The following ERC1 variants were observed in gnomAD, a reference collection of about 807,000 sequenced individuals.
ERC1 encodes ELKS/RAB6-interacting/CAST family member 1.
Under a neutral mutation model 132.0 loss-of-function variants are expected in ERC1, and 56 were observed. That is an observed-to-expected ratio of 0.42 (90% confidence interval 0.34 to 0.53). The LOEUF is 0.53. Among genes scored for constraint, ERC1 ranks in the 20% least tolerant of loss-of-function variants. The pLI is 0.03. For synonymous variants in ERC1, 478 were observed against 476.1 expected, an observed-to-expected ratio of 1.00 and a Z score of -0.05; for missense variants, 1,202 against 1,349.9, an observed-to-expected ratio of 0.89 and a Z score of 1.72.
At chr12:1,199,061 C>A (rs112951647) in intron 12 of ERC1, among the ~76,000 whole-genome samples, 1 of 97,090 alleles carries the variant, frequency 1.0e-5, no homozygotes, top group Non-Finnish European at 2.5e-5. Flanking sequence ...GACAAACCAC[C>A]GTCATGACCC....
chr12:1,169,399 C>G (rs1288659389), intron 8 of ERC1, among the ~76,000 whole-genome samples: 2 of 152,214 alleles, frequency 1.3e-5, no homozygotes, highest in Non-Finnish European at 2.9e-5. Context: ...TGAATTCCTT[C>G]CCCCTACTTG....
At chr12:1,046,874 G>A (rs979803497) in intron 2 of ERC1, among the ~76,000 whole-genome samples, 1 of 152,158 alleles carries the variant, frequency 6.6e-6, no homozygotes, top group Non-Finnish European at 1.5e-5. Context: ...ACTGCACTTG[G>A]CTAGCAGAGA....
At chr12:1,480,801 A>T (rs1293201674) in intron 18 of ERC1, 2 of 702,326 alleles carry the variant, frequency 2.8e-6, no homozygotes, top group Non-Finnish European at 5.2e-6. Context: ...TTTTAGGGGA[A>T]GTTTCAGACA....
intron 15 of ERC1, among the ~76,000 whole-genome samples, chr12:1,325,597 C>T (rs1272886535): frequency 2.0e-5 from 3 of 152,092 alleles, no homozygotes; most frequent in Non-Finnish European, 4.4e-5. Flanking sequence ...TCAATAAAGA[C>T]AATTTTATAT....
intron 2 of ERC1, among the ~76,000 whole-genome samples, chr12:1,033,756 A>C (rs1472673644): frequency 1.3e-5 from 2 of 152,048 alleles, no homozygotes; most frequent in South Asian, 4.2e-4. Flanking sequence ...CAGCCTCCCA[A>C]GTAGCTGGGA....
chr12:1,026,241 C>T (rs1163966273), intron 1 of ERC1, among the ~76,000 whole-genome samples: 1 of 152,126 alleles, frequency 6.6e-6, no homozygotes, highest in South Asian at 2.1e-4. Flanking sequence ...ATAAAACTAT[C>T]AGATCCCATG....
chr12:1,218,837 C>T (rs78165441), intron 12 of ERC1, among the ~76,000 whole-genome samples: 38,064 of 126,470 alleles, frequency 0.3, 5,227 homozygotes, highest in African/African-American at 0.44. Context: ...TATATATACA[C>T]ACACACACAC....
chr12:1,379,860 A>G (rs2088425747), intron 16 of ERC1, among the ~76,000 whole-genome samples: 1 of 152,176 alleles, frequency 6.6e-6, no homozygotes, highest in Admixed American at 6.5e-5. Flanking sequence ...TATATAGTAT[A>G]GGAGGGGACA....
At position 1,394,011 on chromosome 12, in the gene ERC1, G is replaced by A. The variant is rs186913578; in HGVS notation, c.2926-14138G>A. ...AGCCTGGGTGACAGAGTGAGACTCC[G>A]TCTCAAAAAAAAAAAAAAAAAACAA... On this transcript the variant is annotated intron_variant, in intron 16 of 18. Coordinates refer to ENST00000360905, the MANE Select transcript of ERC1 (RefSeq NM_178040.4). 5.5e-4 allele frequency among the ~76,000 whole-genome samples: 37 copies of A among 67,754 alleles called. No individual in the cohort carries two copies. The East Asian group carries it at 0.013, about 23-fold the overall frequency. 44.4% of individuals were successfully genotyped at this position (67,754 alleles called of 152,430 possible).
intron 14 of ERC1, among the ~76,000 whole-genome samples, chr12:1,283,045 C>T (rs748327158): frequency 1.3e-5 from 2 of 152,160 alleles, no homozygotes; most frequent in African/African-American, 2.4e-5. Flanking sequence ...CGGGCTTTGC[C>T]AGCCTCTGAA....
chr12:1,162,243 C>T (rs2906111), intron 8 of ERC1, among the ~76,000 whole-genome samples: 71,431 of 152,082 alleles, frequency 0.47, 19,968 homozygotes, highest in African/African-American at 0.78. Context: ...TAAAGTAGTT[C>T]TGTGTTACAG....
chr12:1,345,542 A>G (rs1468418359), intron 15 of ERC1, among the ~76,000 whole-genome samples: 9 of 152,160 alleles, frequency 5.9e-5, no homozygotes, highest in Admixed American at 5.2e-4. Context: ...TTAAGAAAAG[A>G]GATAGAGATT....
At chr12:1,249,666 A>G (rs1345323533) in intron 13 of ERC1, among the ~76,000 whole-genome samples, 2 of 152,356 alleles carry the variant, frequency 1.3e-5, no homozygotes, top group Admixed American at 1.3e-4. Context: ...GTTCTGTCAC[A>G]TGCATCTTAG....
intron 1 of ERC1, among the ~76,000 whole-genome samples, chr12:1,015,625 T>C (rs1008142627): frequency 2.6e-5 from 4 of 152,334 alleles, no homozygotes; most frequent in African/African-American, 7.2e-5. Context: ...TAAATTTTGA[T>C]AGATTGTGCC....
intron 8 of ERC1, among the ~76,000 whole-genome samples, chr12:1,176,325 TC>T (rs753608755): frequency 6.6e-6 from 1 of 152,192 alleles, no homozygotes; most frequent in Non-Finnish European, 1.5e-5. Context: ...AATCTTTTTT[TC>T]TGAGCAGTAG....
At chr12:1,249,412 A>G (rs1273373900) in intron 13 of ERC1, among the ~76,000 whole-genome samples, 2 of 152,196 alleles carry the variant, frequency 1.3e-5, no homozygotes, top group Admixed American at 6.5e-5. Flanking sequence ...TAAGGGTCAG[A>G]TGCTTTTTCT....
chr12:1,096,458 T>C (rs1229279486), intron 3 of ERC1, among the ~76,000 whole-genome samples: 1 of 152,240 alleles, frequency 6.6e-6, no homozygotes, highest in Non-Finnish European at 1.5e-5. Context: ...GAGTTCATTT[T>C]ATTTTTACTC....
intron 16 of ERC1, among the ~76,000 whole-genome samples, chr12:1,378,281 G>T (rs1327966351): frequency 1.3e-5 from 2 of 152,150 alleles, no homozygotes; most frequent in Non-Finnish European, 2.9e-5. Flanking sequence ...ATTTAGGACC[G>T]CCAAGTTGGA....
At chr12:1,111,877 G>T (rs902683597) in intron 5 of ERC1, among the ~76,000 whole-genome samples, 2 of 152,074 alleles carry the variant, frequency 1.3e-5, no homozygotes, top group Admixed American at 1.3e-4. Flanking sequence ...ACGGTGCTGG[G>T]ATATAATCAT....
Sources: allele counts gnomAD v4.1 joint callset (sites outside exome capture counted in the v4.1 genomes callset), GRCh38; gene constraint gnomAD v4.1.1; transcripts MANE v1.5; gene names NCBI Gene and HGNC (gene_info 2026-07-23, HGNC 2026-07-21).